The following CRADD variants were observed in gnomAD, a reference collection of about 807,000 sequenced individuals.
CRADD encodes the protein CARD and death domain containing adaptor protein, also known as death domain-containing protein CRADD.
Under a neutral mutation model 15.5 loss-of-function variants are expected in CRADD, and 9 were observed. That is an observed-to-expected ratio of 0.58 (90% CI 0.35 to 1.01). The LOEUF (loss-of-function observed/expected upper bound fraction) is 1.01, where lower values mean the gene tolerates loss of function less well. Ranked by LOEUF, CRADD falls within the 50% of genes least tolerant of loss-of-function variation. The probability of loss-of-function intolerance (pLI) is 0.02; values close to 1 mark genes in which losing one functional copy is unlikely to be tolerated. For synonymous variants in CRADD, 118 were observed against 107.6 expected (o/e 1.10, Z -0.60); for missense variants, 227 against 250.3 (o/e 0.91, Z 0.63).
chr12:93,810,832 A>G (rs1438735539), intron 2 of CRADD, among the ~76,000 whole-genome samples: 1 of 152,224 alleles, frequency 6.6e-6, no homozygotes, highest in African/African-American at 2.4e-5. Context: ...TGTGACAATC[A>G]GTTAACTGAG....
At chr12:93,854,546 G>A (rs552494101), downstream of CRADD, among the ~76,000 whole-genome samples, 1 of 152,156 alleles carries the variant, frequency 6.6e-6, no homozygotes, top group Non-Finnish European at 1.5e-5. Context: ...GAATAATTTG[G>A]GTCCGTTTCG....
At chr12:93,745,650 C>G (rs1592955049) in intron 2 of CRADD, among the ~76,000 whole-genome samples, 1 of 152,206 alleles carries the variant, frequency 6.6e-6, no homozygotes, top group South Asian at 2.1e-4. Flanking sequence ...TCTCAGGTGA[C>G]TCTATATCTG....
downstream of CRADD, among the ~76,000 whole-genome samples, chr12:93,855,451 C>T (rs924084066): frequency 2.0e-4 from 30 of 152,224 alleles, no homozygotes; most frequent in African/African-American, 7.2e-4. Context: ...TTCCTCTTCT[C>T]CAGGAACTCA....
At chr12:93,787,842 A>G (rs1235035876) in intron 2 of CRADD, among the ~76,000 whole-genome samples, 1 of 152,202 alleles carries the variant, frequency 6.6e-6, no homozygotes, top group Non-Finnish European at 1.5e-5. Flanking sequence ...GGCAGGCATT[A>G]TCACTTACCA....
intron 2 of CRADD, among the ~76,000 whole-genome samples, chr12:93,722,860 T>C (rs1007950981): frequency 6.6e-6 from 1 of 152,312 alleles, no homozygotes; most frequent in South Asian, 2.1e-4. Flanking sequence ...TGTTTTGCCT[T>C]TTAGTATGCC....
chr12:93,731,448 C>G (rs1302212354), intron 2 of CRADD, among the ~76,000 whole-genome samples: 1 of 152,210 alleles, frequency 6.6e-6, no homozygotes, highest in East Asian at 1.9e-4. Context: ...CATGTGCTCA[C>G]ACATACATTA....
intron 2 of CRADD, among the ~76,000 whole-genome samples, chr12:93,783,547 A>T (rs1480217152): frequency 3.3e-5 from 5 of 152,198 alleles, no homozygotes. Flanking sequence ...TGTAACAATT[A>T]CAAAGATTTC....
chr12:93,832,152 T>C (rs1461410999), intron 2 of CRADD, among the ~76,000 whole-genome samples: 1 of 152,202 alleles, frequency 6.6e-6, no homozygotes, highest in African/African-American at 2.4e-5. Context: ...ATTCTTAATA[T>C]GTCAATCACC....
At position 93,884,368 on chromosome 12, in the gene CRADD, T is replaced by A. The variant is rs148068513; in HGVS notation, c.299-9682T>A. Among the ~76,000 whole-genome samples, 1,041 of 152,124 alleles carry A rather than the reference T, an allele frequency of 6.8e-3. 18 individuals carry two copies. The highest frequency in any genetic ancestry group is 0.024 in the African/African-American group (996 of 41,488). On this transcript the variant is annotated intron_variant, in intron 2 of 2. Coordinates refer to the CRADD transcript ENST00000548483. ...ATGCAGAGAGGAAAGATAACAAAAT[T>A]GATAGAGACAGGAGACAGCCAGAGG...
Position 93,763,253 on chromosome 12 carries a change from T to C in CRADD, c.298+84181T>C, listed in dbSNP as rs532351980. Among the ~76,000 whole-genome samples the C allele has an allele frequency of 6.6e-5, 10 of 152,352 alleles. No individual in the cohort carries two copies. In the South Asian group the frequency reaches 2.1e-3, roughly 32 times the overall value. On this transcript the variant is annotated intron_variant, in intron 2 of 2. Coordinates refer to ENST00000332896, the MANE Select transcript of CRADD (RefSeq NM_003805.5). Reference sequence around the variant, plus strand: ...ACCCCTCTGGATCTAAAGCTCTTGGTTCTGTATTTCTAGTATCATTGTTGC... The same window carrying C: ...ACCCCTCTGGATCTAAAGCTCTTGGCTCTGTATTTCTAGTATCATTGTTGC...
intron 2 of CRADD, among the ~76,000 whole-genome samples, chr12:93,792,411 A>G (rs559542286): frequency 6.6e-6 from 1 of 152,286 alleles, no homozygotes; most frequent in South Asian, 2.1e-4. Flanking sequence ...TAGTTCCAAG[A>G]TCCAAAATTC....
At chr12:93,683,685 A>G (rs1418982225) in intron 2 of CRADD, among the ~76,000 whole-genome samples, 1 of 152,248 alleles carries the variant, frequency 6.6e-6, no homozygotes, top group Non-Finnish European at 1.5e-5. Context: ...GTGACAACAC[A>G]GAACCACACC....
chr12:93,887,995 CTGAGACCCAAAGGA>C (rs1366789634), intron 2 of CRADD, among the ~76,000 whole-genome samples: 1 of 152,094 alleles, frequency 6.6e-6, no homozygotes, highest in African/African-American at 2.4e-5. Context: ...GCCACCTGAG[CTGAGACCCAAAGGA>C]TGAGTGGGAG....
chr12:93,779,621 AC>A (rs1250843025), intron 2 of CRADD, among the ~76,000 whole-genome samples: 163 of 144,422 alleles, frequency 1.1e-3, no homozygotes, highest in African/African-American at 3.8e-3. Flanking sequence ...ACAGAGTCTC[AC>A]TCTGTCACCC....
chr12:93,691,015 G>A (rs188247385), intron 2 of CRADD, among the ~76,000 whole-genome samples: 1 of 152,210 alleles, frequency 6.6e-6, no homozygotes, highest in Non-Finnish European at 1.5e-5. Context: ...TAAAATAAAG[G>A]TTTTGAATGT....
intron 2 of CRADD, among the ~76,000 whole-genome samples, chr12:93,812,899 AT>A (rs1336737642): frequency 6.6e-6 from 1 of 152,208 alleles, no homozygotes; most frequent in African/African-American, 2.4e-5. Context: ...CATATCCTGT[AT>A]TGTTATGTAA....
At position 93,861,001 on chromosome 12, in the gene CRADD, A is replaced by G. The variant is rs78989930; in HGVS notation, c.299-33049A>G. Among the ~76,000 whole-genome samples, 568 of 152,322 alleles carry G rather than the reference A, an allele frequency of 3.7e-3. 5 individuals carry two copies. Among genetic ancestry groups the G allele is most frequent in the African/African-American group, 0.013 (524 of 41,564 alleles). On this transcript the variant is annotated intron_variant, in intron 2 of 2. Transcript: ENST00000548483. Reference sequence around the variant, plus strand: ...TCTGGTGCTGCCCGATTCCTGAATCATTTAAAGCTCAAATAAACTCATGAC... The same window carrying G: ...TCTGGTGCTGCCCGATTCCTGAATCGTTTAAAGCTCAAATAAACTCATGAC...
At chr12:93,878,376 C>T (rs961226210) in intron 2 of CRADD, among the ~76,000 whole-genome samples, 18 of 152,102 alleles carry the variant, frequency 1.2e-4, no homozygotes, top group African/African-American at 4.3e-4. Flanking sequence ...ACACAGTACT[C>T]CTCACTCTTC....
intron 2 of CRADD, among the ~76,000 whole-genome samples, chr12:93,697,247 G>A (rs910126427): frequency 2.0e-5 from 3 of 152,152 alleles, no homozygotes; most frequent in African/African-American, 7.2e-5. Flanking sequence ...TAAGTCATAG[G>A]GGCTTTACCC....
Sources: gnomAD v4.1 joint callset for allele counts (sites outside exome capture counted in the v4.1 genomes callset) on GRCh38, gnomAD v4.1.1 for gene constraint, MANE v1.5 for transcripts, NCBI Gene and HGNC (gene_info 2026-07-23, HGNC 2026-07-21) for gene names.